ZNF14: variants seen among roughly 807,000 people sequenced by gnomAD.
The protein encoded by ZNF14 is gonadotropin inducible transcription repressor-4.
A neutral mutation model predicts 11.3 loss-of-function variants in ZNF14; 9 were observed. The observed-to-expected ratio is 0.80, with a 90% CI of 0.48 to 1.39. The LOEUF is 1.39. Ranked by LOEUF, ZNF14 falls within the 40% of genes most tolerant of loss-of-function variation. ZNF14 has a pLI of 0.00. For synonymous variants in ZNF14, 239 were observed against 245.7 expected (o/e 0.97, Z 0.25); for missense variants, 711 against 763.9 (o/e 0.93, Z 0.82).
chr19:19,714,821 C>T (rs191839717), intron 1 of ZNF14, among the ~76,000 whole-genome samples: 31 of 147,172 alleles, frequency 2.1e-4, no homozygotes, highest in East Asian at 2.0e-4. Flanking sequence ...AAATGATTCT[C>T]GTGCCCCAGC....
At chr19:19,726,757 T>C (rs921987523) in intron 1 of ZNF14, among the ~76,000 whole-genome samples, 6 of 133,302 alleles carry the variant, frequency 4.5e-5, no homozygotes, top group Admixed American at 4.4e-4. Context: ...CCCAGCCGCT[T>C]TGTTTACCTA....
chr19:19,731,995 G>A (rs1012897614), intron 1 of ZNF14, among the ~76,000 whole-genome samples: 3 of 152,160 alleles, frequency 2.0e-5, no homozygotes, highest in African/African-American at 4.8e-5. Context: ...AACCTGGGAG[G>A]CGGAGCTTGC....
chr19:19,731,618 T>C lies in ZNF14; in HGVS notation c.3+1338A>G, dbSNP rs535825495. 2.6e-5 allele frequency among the ~76,000 whole-genome samples: 4 copies of C among 151,672 alleles called. No homozygotes were observed. In the East Asian group the frequency reaches 7.8e-4, roughly 29 times the overall value. ...CAACAACAAAACTACCCACAATGAC[T>C]CTAGACTTAGGAACCTTCCACTGGT... On this transcript the variant is annotated intron_variant, in intron 1 of 3. Coordinates refer to ENST00000344099, the MANE Select transcript of ZNF14 (RefSeq NM_021030.3).
chr19:19,722,993 C>G (rs574518991), intron 1 of ZNF14, among the ~76,000 whole-genome samples: 1 of 152,136 alleles, frequency 6.6e-6, no homozygotes, highest in Non-Finnish European at 1.5e-5. Flanking sequence ...TGGGCTGAGA[C>G]GATGGGTTTT....
Position 19,712,102 on chromosome 19 carries a change from A to T in ZNF14, c.1179T>A (p.Cys393Ter). The T allele has an allele frequency of 6.2e-7, 1 of 1,613,882 alleles. No homozygotes were observed. The highest frequency in any genetic ancestry group is 1.3e-5 in the African/African-American group (1 of 75,004). ...AACTGAAGGTTTTATGACACTGTTT[A>T]CACTCATAAGGTTTCTCTCCAGTAT... ...RTHTGEKPYECKQCHKTFSFS... is the reference protein window; with the variant it reads ...RTHTGEKPYE Residue 393 changes from cysteine to a stop codon, truncating the protein, a stop_gained, in exon 4 of 4, where the codon TGT (cysteine) becomes TGA (stop). Transcript: ENST00000344099. LOFTEE classifies it low-confidence loss of function (END_TRUNC).
chr19:19,726,988 G>T (rs1446391586), intron 1 of ZNF14, among the ~76,000 whole-genome samples: 1 of 133,874 alleles, frequency 7.5e-6, no homozygotes, highest in African/African-American at 2.8e-5. Context: ...ATCTTTCACG[G>T]CTTCCCTTGA....
At chr19:19,724,631 T>C (rs1221388327) in intron 1 of ZNF14, among the ~76,000 whole-genome samples, 1 of 133,360 alleles carries the variant, frequency 7.5e-6, no homozygotes, top group Non-Finnish European at 1.7e-5. Flanking sequence ...AATTCCTAGA[T>C]ATCTTGTTAA....
chr19:19,731,922 G>T (rs1047262192), intron 1 of ZNF14, among the ~76,000 whole-genome samples: 8 of 152,154 alleles, frequency 5.3e-5, no homozygotes, highest in African/African-American at 1.9e-4. Flanking sequence ...AAAAAAATTA[G>T]CTGGGCGTGG....
rs763008380 is a variant in ZNF14 at position 19,711,572 on chromosome 19, G to T, written c.1709C>A (p.Ser570Tyr). ...QCKQCGKAFI[S>Y]SSKFRMHERT... The stretch of plus-strand genomic sequence containing the variant: ...CTCATGCATTCGAAATTTACTGGAA[G>T]AAATGAAGGCTTTTCCACATTGTTT... Residue 570 changes from serine (S) to tyrosine (Y), a missense_variant, in exon 4 of 4, where the codon TCT (serine) becomes TAT (tyrosine). Physicochemically the swap from Ser to Tyr is moderately radical, Grantham distance 144. Coordinates refer to ENST00000344099, the MANE Select transcript of ZNF14 (RefSeq NM_021030.3). 1 of 1,613,414 alleles carries T rather than the reference G, an allele frequency of 6.2e-7. No homozygotes were observed. Among genetic ancestry groups the T allele is most frequent in the African/African-American group, 1.3e-5 (1 of 74,846 alleles).
In ZNF14 at chr19:19,713,094, A is replaced by C; in HGVS notation, c.192-5T>G. On this transcript the variant is annotated splice_polypyrimidine_tract_variant and splice_region_variant and intron_variant, in intron 3 of 3. Transcript: ENST00000344099. ...AGTCTCTCAACCATATGACATCTGTAAAAAATGAATAGCACATTATTAGTG... is the reference window on the plus strand; with the variant it reads ...AGTCTCTCAACCATATGACATCTGTCAAAAATGAATAGCACATTATTAGTG... 5 of 1,558,016 alleles carry C rather than the reference A, an allele frequency of 3.2e-6. No individual in the cohort carries two copies. Among genetic ancestry groups the C allele is most frequent in the Non-Finnish European group, 4.3e-6 (5 of 1,155,262 alleles).
At chr19:19,719,883 A>G (rs909460723) in intron 1 of ZNF14, among the ~76,000 whole-genome samples, 2 of 152,220 alleles carry the variant, frequency 1.3e-5, no homozygotes, top group African/African-American at 2.4e-5. Flanking sequence ...AAATAAAGGA[A>G]TGAAGAAAGA....
At chr19:19,718,040 A>G (rs1296821216) in intron 1 of ZNF14, among the ~76,000 whole-genome samples, 1 of 152,204 alleles carries the variant, frequency 6.6e-6, no homozygotes, top group African/African-American at 2.4e-5. Context: ...CTAAAACCTC[A>G]CACTCAAGGC....
At chr19:19,719,891 A>C (rs2062387875) in intron 1 of ZNF14, among the ~76,000 whole-genome samples, 1 of 152,230 alleles carries the variant, frequency 6.6e-6, no homozygotes, top group Non-Finnish European at 1.5e-5. Context: ...GAATGAAGAA[A>C]GATATGCCAT....
chr19:19,715,228 A>G lies in ZNF14; in HGVS notation c.4-741T>C, dbSNP rs528000864. Among the ~76,000 whole-genome samples, 14 of 152,358 alleles carry G rather than the reference A, an allele frequency of 9.2e-5. No individual in the cohort carries two copies. The South Asian group carries it at 2.9e-3, about 32-fold the overall frequency. Reference sequence around the variant, plus strand: ...ATCAATCTGGATAAGGTTTTAATAAATAAATACACCTTCAAGAACTGTAGG... The same window carrying G: ...ATCAATCTGGATAAGGTTTTAATAAGTAAATACACCTTCAAGAACTGTAGG... On this transcript the variant is annotated intron_variant, in intron 1 of 3. Coordinates refer to ENST00000344099, the MANE Select transcript of ZNF14 (RefSeq NM_021030.3).
In ZNF14 at chr19:19,711,843, A is replaced by G. The variant is rs866000134; in HGVS notation, c.1438T>C (p.Cys480Arg). 1 of 1,613,492 alleles carries G rather than the reference A, an allele frequency of 6.2e-7. No homozygotes were observed. Among genetic ancestry groups the G allele is most frequent in the Non-Finnish European group, 8.5e-7 (1 of 1,179,542 alleles). ...TGEKPYECKQ[C>R]GKVFIRSSSF... Reference sequence around the variant, plus strand: ...CTGGAACGAATGAAAACTTTTCCACACTGTTTACATTCATAGGGTTTCTCT... The same window carrying G: ...CTGGAACGAATGAAAACTTTTCCACGCTGTTTACATTCATAGGGTTTCTCT... Residue 480 changes from cysteine (C) to arginine (R), a missense_variant, in exon 4 of 4, where the codon TGT becomes CGT. Coordinates refer to ENST00000344099, the MANE Select transcript of ZNF14 (RefSeq NM_021030.3).
intron 1 of ZNF14, among the ~76,000 whole-genome samples, chr19:19,722,523 T>G (rs1254744363): frequency 6.6e-6 from 1 of 152,216 alleles, no homozygotes; most frequent in Admixed American, 6.5e-5. Flanking sequence ...TCCAGCTTTG[T>G]TCTTTTGGCT....
chr19:19,732,131 T>C (rs1296176283), intron 1 of ZNF14, among the ~76,000 whole-genome samples: 4 of 152,180 alleles, frequency 2.6e-5, no homozygotes, highest in Admixed American at 2.0e-4. Flanking sequence ...TGCATCATCA[T>C]GGCACTCCAA....
intron 1 of ZNF14, among the ~76,000 whole-genome samples, chr19:19,730,051 T>G (rs78847393): frequency 6.6e-6 from 1 of 152,168 alleles, no homozygotes; most frequent in Non-Finnish European, 1.5e-5. Flanking sequence ...TAGTTTTTTT[T>G]GAGACAGAGT....
At chr19:19,729,502 A>C (rs1164536535) in intron 1 of ZNF14, among the ~76,000 whole-genome samples, 1 of 151,702 alleles carries the variant, frequency 6.6e-6, no homozygotes. Flanking sequence ...TTTTCAGGAG[A>C]GACAAAGTTT....
Sources: allele counts gnomAD v4.1 joint callset (sites outside exome capture counted in the v4.1 genomes callset), GRCh38; gene constraint gnomAD v4.1.1; transcripts MANE v1.5; gene names NCBI Gene and HGNC (gene_info 2026-07-23, HGNC 2026-07-21).